SEH1L: variants seen among roughly 807,000 people sequenced by gnomAD.
SEH1L encodes the protein SEH1 like nucleoporin, also known as nucleoporin SEH1.
A neutral mutation model predicts 49.5 loss-of-function variants in SEH1L; 18 were observed. That is an observed-to-expected ratio of 0.36 (90% CI 0.25 to 0.54). The LOEUF is 0.54. SEH1L is among the 20% of genes least tolerant of loss of function. SEH1L has a pLI of 0.87. For missense variants in SEH1L, 404 were observed against 528.8 expected (o/e 0.76, Z 2.31); for synonymous variants, 169 against 178.1 (o/e 0.95, Z 0.41).
At chr18:12,952,249 G>C (rs1481332047) in intron 2 of SEH1L, among the ~76,000 whole-genome samples, 2 of 60,448 alleles carry the variant, frequency 3.3e-5, no homozygotes, top group East Asian at 9.2e-4. Flanking sequence ...TTTTTTTTTT[G>C]AGACGGAGAG....
intron 2 of SEH1L, among the ~76,000 whole-genome samples, chr18:12,953,295 C>G (rs1003879209): frequency 2.6e-5 from 4 of 152,096 alleles, no homozygotes; most frequent in African/African-American, 9.7e-5. Flanking sequence ...TTGTTTTTGG[C>G]TGTTATGAGT....
intron 4 of SEH1L, among the ~76,000 whole-genome samples, chr18:12,970,263 G>A (rs8089123): frequency 0.71 from 107,581 of 152,066 alleles, 39,266 homozygotes; most frequent in African/African-American, 0.89. Context: ...AAGTCATTCA[G>A]CTTATAGTTC....
Position 12,961,755 on chromosome 18 carries a change from C to T in SEH1L, c.310-1405C>T, listed in dbSNP as rs1051712910. Among the ~76,000 whole-genome samples the T allele has an allele frequency of 2.0e-5, 3 of 152,036 alleles. No individual in the cohort carries two copies. In the East Asian group the frequency reaches 5.8e-4, roughly 29 times the overall value. ...GATCTCGGCTCAGTGCAGCCTCCGC[C>T]GACCACACTCAAGCGATTCTCCTGC... is the stretch of plus-strand genomic sequence containing the variant. On this transcript the variant is annotated intron_variant, in intron 3 of 8. Transcript: ENST00000399892.
chr18:12,961,912 C>T (rs546655053), intron 3 of SEH1L, among the ~76,000 whole-genome samples: 21 of 152,220 alleles, frequency 1.4e-4, no homozygotes, highest in Admixed American at 1.1e-3. Flanking sequence ...AGTGATCACC[C>T]GCCTCAGTCT....
At chr18:12,984,699 T>C (rs1301270006) in intron 8 of SEH1L, 1 of 153,968 alleles carries the variant, frequency 6.5e-6, no homozygotes, top group African/African-American at 2.4e-5. Flanking sequence ...TTTTAGAATA[T>C]TTAGCATATG....
At chr18:12,961,188 T>C (rs1475592766) in intron 3 of SEH1L, among the ~76,000 whole-genome samples, 2 of 152,196 alleles carry the variant, frequency 1.3e-5, no homozygotes, top group African/African-American at 4.8e-5. Context: ...TTGAGGCGTT[T>C]TTCCCTTAAC....
chr18:12,985,705 T>C, intron 8 of SEH1L: 13 of 950,708 alleles, frequency 1.4e-5, no homozygotes, highest in Non-Finnish European at 1.6e-5. Context: ...ATTGAATAAA[T>C]ATTTTTTATA....
chr18:12,962,712 G>T (rs2031248117), intron 3 of SEH1L, among the ~76,000 whole-genome samples: 1 of 151,382 alleles, frequency 6.6e-6, no homozygotes, highest in Non-Finnish European at 1.5e-5. Flanking sequence ...AGCTCAAGCA[G>T]TCTGCCTGCC....
intron 5 of SEH1L, chr18:12,973,916 AAAG>A (rs1488251136): frequency 6.6e-6 from 1 of 152,240 alleles, no homozygotes; most frequent in East Asian, 1.9e-4. Context: ...ATGCTAATAC[AAAG>A]AAGGGTATTC....
At chr18:12,953,028 C>T (rs1431529856) in intron 2 of SEH1L, among the ~76,000 whole-genome samples, 5 of 152,020 alleles carry the variant, frequency 3.3e-5, no homozygotes, top group South Asian at 2.1e-4. Context: ...GTGATCCGCC[C>T]GCCTTGGCCT....
chr18:12,976,212 C>T (rs1211481653), intron 5 of SEH1L: 1 of 152,226 alleles, frequency 6.6e-6, no homozygotes, highest in Non-Finnish European at 1.5e-5. Context: ...GCCACGAGAC[C>T]CTCCCTTGTG....
intron 1 of SEH1L, among the ~76,000 whole-genome samples, chr18:12,949,353 A>C (rs1340072410): frequency 2.0e-5 from 3 of 151,640 alleles, no homozygotes; most frequent in Non-Finnish European, 4.4e-5. Context: ...CTCAAAGATA[A>C]ACTTTTTATA....
chr18:12,961,358 A>T (rs2031167995), intron 3 of SEH1L, among the ~76,000 whole-genome samples: 1 of 152,118 alleles, frequency 6.6e-6, no homozygotes, highest in Admixed American at 6.5e-5. Flanking sequence ...TTTCCCTGGC[A>T]CTGGCTGCAA....
At chr18:12,965,994 C>T (rs1475640175) in intron 4 of SEH1L, among the ~76,000 whole-genome samples, 1 of 152,188 alleles carries the variant, frequency 6.6e-6, no homozygotes, top group African/African-American at 2.4e-5. Flanking sequence ...TCCTCATTCC[C>T]CTTCTCCAGG....
chr18:12,957,428 C>CAA (rs200750914), intron 3 of SEH1L, among the ~76,000 whole-genome samples: 26 of 145,594 alleles, frequency 1.8e-4, no homozygotes, highest in African/African-American at 2.5e-4. Flanking sequence ...GACTTCGTCT[C>CAA]AAAAAAAAAA....
At position 12,963,224 on chromosome 18, in the gene SEH1L, A is replaced by C. The variant is rs1035104653; in HGVS notation, c.374A>C (p.His125Pro). Residue 125 changes from histidine to proline, a missense_variant, in exon 4 of 9, where the codon CAC becomes CCC. Transcript: ENST00000399892. ...ACTGATGTGAAGTTTGCTCCCAAGC[A>C]CATGGGTCTTATGTTAGCAACCTGT... ...SVTDVKFAPK[H>P]MGLMLATCSA... is the part of the protein sequence containing the mutation. 4 of 1,614,054 alleles carry C rather than the reference A, an allele frequency of 2.5e-6. No homozygotes were observed. The highest frequency in any genetic ancestry group is 3.4e-6 in the Non-Finnish European group (4 of 1,180,016).
intron 4 of SEH1L, among the ~76,000 whole-genome samples, chr18:12,965,009 CTTTT>C (rs138934038): frequency 1.2e-5 from 1 of 82,608 alleles, no homozygotes; most frequent in African/African-American, 4.7e-5. Context: ...TTTCCTCATT[CTTTT>C]TTTTTTTTTT....
At position 12,948,054 on chromosome 18, in the gene SEH1L, A is replaced by G; in HGVS notation, c.-68A>G. 3.3e-6 allele frequency: 4 copies of G among 1,226,820 alleles called. No individual in the cohort carries two copies. The highest frequency in any genetic ancestry group is 4.7e-6 in the Non-Finnish European group (4 of 854,556). The allele number at this position is 1,226,820 out of a possible 1,614,324, so 76.0% of individuals were successfully genotyped here. ...CCGGGCTGCGAGGTCTGGCTAGGCT[A>G]CGGGCCACGCGCCGCCGCCGCTGCC... On this transcript the variant is annotated 5_prime_UTR_variant, in exon 1 of 9. Transcript: ENST00000399892.
chr18:12,956,671 T>C (rs1469014737), intron 3 of SEH1L, among the ~76,000 whole-genome samples: 2 of 148,780 alleles, frequency 1.3e-5, no homozygotes, highest in Non-Finnish European at 3.0e-5. Context: ...AGGATTGTAA[T>C]GCTTCTGAAG....
Sources: allele counts gnomAD v4.1 joint callset (sites outside exome capture counted in the v4.1 genomes callset), GRCh38; gene constraint gnomAD v4.1.1; transcripts MANE v1.5; gene names NCBI Gene and HGNC (gene_info 2026-07-23, HGNC 2026-07-21).